DDX19B: variants seen among roughly 807,000 people sequenced by gnomAD.
The protein encoded by DDX19B is DEAD-box helicase 19B, also known as ATP-dependent RNA helicase DDX19B.
Under a neutral mutation model 58.1 loss-of-function variants are expected in DDX19B, and 27 were observed. The observed-to-expected ratio is 0.46, with a 90% confidence interval of 0.34 to 0.64. DDX19B has a LOEUF of 0.64. DDX19B is among the 30% of genes least tolerant of loss of function. The pLI, the probability that DDX19B is intolerant of heterozygous loss-of-function variation, is 0.01. For missense variants in DDX19B, 399 were observed against 596.5 expected, an observed-to-expected ratio of 0.67 and a Z score of 3.45; for synonymous variants, 187 against 214.4, an observed-to-expected ratio of 0.87 and a Z score of 1.12.
chr16:70,320,960 CTTTTTTT>C (rs904476486), intron 5 of DDX19B, among the ~76,000 whole-genome samples: 2 of 108,664 alleles, frequency 1.8e-5, no homozygotes, highest in South Asian at 6.0e-4. Context: ...CCACACTAGG[CTTTTTTT>C]TTTTTTTTTT....
chr16:70,328,645 G>A (rs1379130513), intron 7 of DDX19B, among the ~76,000 whole-genome samples: 1 of 151,926 alleles, frequency 6.6e-6, no homozygotes, highest in Non-Finnish European at 1.5e-5. Context: ...TTACAGGCAT[G>A]AGCCACCGTG....
chr16:70,309,656 A>T (rs1194339374), intron 1 of DDX19B, among the ~76,000 whole-genome samples: 1 of 151,816 alleles, frequency 6.6e-6, no homozygotes, highest in African/African-American at 2.4e-5. Context: ...CGTCTCTACT[A>T]AAAATTCAAA....
intron 5 of DDX19B, among the ~76,000 whole-genome samples, chr16:70,323,419 T>C (rs150143697): frequency 1.4e-4 from 21 of 147,326 alleles, no homozygotes; most frequent in African/African-American, 4.8e-4. Flanking sequence ...CCTGCTTTTT[T>C]TCTTTTTTCT....
upstream of DDX19B, chr16:70,295,059 T>A (rs899004225): frequency 3.1e-6 from 4 of 1,291,882 alleles, no homozygotes; most frequent in African/African-American, 4.6e-5. Flanking sequence ...GAATCCGCCA[T>A]CTGTGAGGTG....
upstream of DDX19B, chr16:70,295,069 G>GGGTA: frequency 7.8e-7 from 1 of 1,282,596 alleles, no homozygotes; most frequent in South Asian, 2.6e-5. Flanking sequence ...TCTGTGAGGT[G>GGGTA]GGTACTTCCT....
Position 70,335,196 on chromosome 16 carries a change from A to C in DDX19B, c.*1614A>C, listed in dbSNP as rs1241812138. ...GACACATCTTGGAATTCTTGTAATA[A>C]GAAAAGAAATTTTTATACTTTTTTC... On this transcript the variant is annotated 3_prime_UTR_variant, in exon 12 of 12. Coordinates refer to ENST00000288071, the MANE Select transcript of DDX19B (RefSeq NM_007242.7). 6.6e-6 allele frequency: 1 copy of C among 152,214 alleles called. No individual in the cohort carries two copies. The highest frequency in any genetic ancestry group is 1.5e-5 in the Non-Finnish European group (1 of 68,036). 9.4% of individuals were successfully genotyped at this position (152,214 alleles called of 1,614,324 possible).
At chr16:70,326,054 G>A (rs966576141) in intron 7 of DDX19B, among the ~76,000 whole-genome samples, 2 of 152,208 alleles carry the variant, frequency 1.3e-5, no homozygotes, top group Non-Finnish European at 2.9e-5. Context: ...CCAAGATCAA[G>A]TTAGCGTTTA....
At chr16:70,323,089 G>A (rs952003662) in intron 5 of DDX19B, among the ~76,000 whole-genome samples, 3 of 151,726 alleles carry the variant, frequency 2.0e-5, no homozygotes, top group African/African-American at 7.3e-5. Flanking sequence ...CGGCTGCTCC[G>A]TTTTTTGTTT....
chr16:70,333,728 CT>C lies in DDX19B; in HGVS notation c.*148del, dbSNP rs906199715. On this transcript the variant is annotated 3_prime_UTR_variant, in exon 12 of 12. Transcript: ENST00000288071. ...TACCTCACTTCAAATTATGTTTGGACTTGACAAAAATGTATGCAAATGATGG... is the reference window on the plus strand; with the variant it reads ...TACCTCACTTCAAATTATGTTTGGACTGACAAAAATGTATGCAAATGATGG... 5.5e-6 allele frequency: 7 copies of C among 1,280,428 alleles called. No homozygotes were observed. In the African/African-American group the frequency reaches 1.0e-4, roughly 19 times the overall value. 79.3% of individuals were successfully genotyped at this position (1,280,428 alleles called of 1,614,324 possible). A position where few individuals can be genotyped will look rare whatever the true frequency, so the allele number is the denominator to read the frequency against.
intron 1 of DDX19B, among the ~76,000 whole-genome samples, chr16:70,304,671 C>T (rs1224593612): frequency 1.3e-5 from 2 of 152,306 alleles, no homozygotes; most frequent in Non-Finnish European, 2.9e-5. Context: ...CCACTCCTGG[C>T]CAGAGCTGTC....
chr16:70,296,129 A>ATTACTCTGCCTC, upstream of DDX19B, among the ~76,000 whole-genome samples: 3 of 150,404 alleles, frequency 2.0e-5, no homozygotes, highest in East Asian at 5.9e-4. Flanking sequence ...TCAGCCTCCC[A>ATTACTCTGCCTC]AGTAGCTGGG....
intron 1 of DDX19B, among the ~76,000 whole-genome samples, chr16:70,306,484 C>G (rs1961762618): frequency 6.6e-6 from 1 of 152,146 alleles, no homozygotes; most frequent in Non-Finnish European, 1.5e-5. Flanking sequence ...TTGTTTTAAC[C>G]TATTAATGTG....
At chr16:70,311,624 T>C (rs1962099526) in intron 1 of DDX19B, among the ~76,000 whole-genome samples, 1 of 152,182 alleles carries the variant, frequency 6.6e-6, no homozygotes, top group South Asian at 2.1e-4. Context: ...TAATTATTCT[T>C]TGAAATGTCT....
chr16:70,294,803 A>G, upstream of DDX19B: 7 of 1,433,720 alleles, frequency 4.9e-6, no homozygotes, highest in Non-Finnish European at 6.4e-6. Flanking sequence ...GGCCAGTGCC[A>G]AGAGCAGCGG....
chr16:70,295,332 G>C (rs1376056227), upstream of DDX19B, among the ~76,000 whole-genome samples: 1 of 152,064 alleles, frequency 6.6e-6, no homozygotes, highest in African/African-American at 2.4e-5. Context: ...GGAGTGCAGT[G>C]GCATGATCAC....
chr16:70,300,866 C>T (rs1349541681), intron 1 of DDX19B, among the ~76,000 whole-genome samples: 1 of 152,128 alleles, frequency 6.6e-6, no homozygotes, highest in Non-Finnish European at 1.5e-5. Flanking sequence ...ACTTGGAATT[C>T]TTAATTGCCT....
chr16:70,307,894 A>C (rs1961851345), intron 1 of DDX19B, among the ~76,000 whole-genome samples: 1 of 148,602 alleles, frequency 6.7e-6, no homozygotes, highest in Admixed American at 6.7e-5. Flanking sequence ...CAGCTAATAT[A>C]TTTATTTATT....
chr16:70,333,840 T>C lies in DDX19B; in HGVS notation c.*258T>C. On this transcript the variant is annotated 3_prime_UTR_variant, in exon 12 of 12. Coordinates refer to ENST00000288071, the MANE Select transcript of DDX19B (RefSeq NM_007242.7). ...TTTACCTTTTGGAAGTTTCATCTTT[T>C]AATTTGGCCAGTGTTTCCTTCATGC... The C allele has an allele frequency of 1.7e-6, 1 of 582,388 alleles. No homozygotes were observed. Among genetic ancestry groups the C allele is most frequent in the Non-Finnish European group, 3.0e-6 (1 of 330,436 alleles). The allele number at this position is 582,388 out of a possible 1,614,324, so 36.1% of individuals were successfully genotyped here.
intron 1 of DDX19B, among the ~76,000 whole-genome samples, chr16:70,311,749 G>A (rs1962105130): frequency 6.6e-6 from 1 of 152,190 alleles, no homozygotes; most frequent in South Asian, 2.1e-4. Context: ...TGACTTGAAT[G>A]TGAGGCTGCA....
Sources: gnomAD v4.1 joint callset for allele counts (sites outside exome capture counted in the v4.1 genomes callset) on GRCh38, gnomAD v4.1.1 for gene constraint, MANE v1.5 for transcripts, NCBI Gene and HGNC (gene_info 2026-07-23, HGNC 2026-07-21) for gene names.